DOCK1: variants seen among roughly 807,000 people sequenced by gnomAD.
DOCK1 encodes the protein dedicator of cytokinesis protein 1.
A neutral mutation model predicts 262.7 loss-of-function variants in DOCK1; 138 were observed. The ratio of observed to expected loss-of-function variants is 0.53; its 90% CI spans 0.46 to 0.61. The LOEUF is 0.61. DOCK1 is among the 20% of genes least tolerant of loss of function. DOCK1 has a pLI of 0.00. For synonymous variants in DOCK1, 866 were observed against 867.4 expected (o/e 1.00, Z 0.03); for missense variants, 1,908 against 2,370.7 (o/e 0.80, Z 4.05).
intron 12 of DOCK1, among the ~76,000 whole-genome samples, chr10:127,017,313 GCACA>G (rs1467380876): frequency 7.3e-6 from 1 of 136,578 alleles, no homozygotes; most frequent in Non-Finnish European, 1.6e-5. Flanking sequence ...ACACAGACAC[GCACA>G]CAGACATATA....
chr10:127,242,910 A>G (rs907099908), intron 27 of DOCK1, among the ~76,000 whole-genome samples: 1 of 152,120 alleles, frequency 6.6e-6, no homozygotes, highest in African/African-American at 2.4e-5. Context: ...CCTACCGTCC[A>G]CACTCGTCAC....
chr10:127,182,350 C>A (rs930685173), intron 27 of DOCK1, among the ~76,000 whole-genome samples: 2 of 152,144 alleles, frequency 1.3e-5, no homozygotes, highest in Admixed American at 6.5e-5. Context: ...ATAATGTAAA[C>A]CACAAAGGCT....
chr10:127,428,617 G>A (rs2068991103), intron 47 of DOCK1, among the ~76,000 whole-genome samples: 1 of 150,786 alleles, frequency 6.6e-6, no homozygotes, highest in Admixed American at 6.6e-5. Flanking sequence ...ATTGTGCCAT[G>A]TGGATTGGGG....
intron 44 of DOCK1, among the ~76,000 whole-genome samples, chr10:127,416,564 C>T (rs1487718114): frequency 6.6e-6 from 1 of 152,178 alleles, no homozygotes; most frequent in African/African-American, 2.4e-5. Flanking sequence ...ACTAAGAGGG[C>T]AGGAAGGCAA....
chr10:127,084,351 A>G (rs2047075391), intron 23 of DOCK1, among the ~76,000 whole-genome samples: 1 of 152,240 alleles, frequency 6.6e-6, no homozygotes, highest in Non-Finnish European at 1.5e-5. Flanking sequence ...CTCTCTCACC[A>G]GCAAGCGGTT....
chr10:126,939,919 G>A (rs946756529), intron 1 of DOCK1, among the ~76,000 whole-genome samples: 1 of 152,276 alleles, frequency 6.6e-6, no homozygotes, highest in South Asian at 2.1e-4. Flanking sequence ...TCCTTTGAAG[G>A]CCACGCCTAC....
intron 30 of DOCK1, among the ~76,000 whole-genome samples, chr10:127,342,301 A>G (rs114477124): frequency 0.012 from 1,774 of 152,180 alleles, 41 homozygotes; most frequent in African/African-American, 0.041. Context: ...AAAAGGAACG[A>G]CTTGTATTTT....
chr10:126,990,694 C>A, intron 6 of DOCK1, 91 bp downstream of exon 6: 1 of 1,429,670 alleles, frequency 7.0e-7, no homozygotes, highest in Non-Finnish European at 9.3e-7. Context: ...CATATTTTAT[C>A]ATAAAACAAA....
rs182624518 is a variant in DOCK1 at position 127,310,149 on chromosome 10, A to G, written c.3045-28857A>G. Among the ~76,000 whole-genome samples the G allele has an allele frequency of 4.5e-4, 68 of 152,272 alleles. 2 individuals carry two copies. The highest frequency in any genetic ancestry group is 2.7e-3 in the Admixed American group (41 of 15,292). Reference sequence around the variant, plus strand: ...CTTAGCCTCCCAAAGTGTTGGGATTATAAGCGTGAGCCACTGCGCCCGGCC... The same window carrying G: ...CTTAGCCTCCCAAAGTGTTGGGATTGTAAGCGTGAGCCACTGCGCCCGGCC... On this transcript the variant is annotated intron_variant, in intron 29 of 51. Transcript: ENST00000623213.
chr10:127,234,848 A>G (rs958899966), intron 27 of DOCK1, among the ~76,000 whole-genome samples: 2 of 151,122 alleles, frequency 1.3e-5, no homozygotes, highest in African/African-American at 4.8e-5. Context: ...TACAACATTA[A>G]TTACATATGG....
chr10:127,264,131 G>A (rs946491761), intron 29 of DOCK1, among the ~76,000 whole-genome samples: 5 of 152,170 alleles, frequency 3.3e-5, no homozygotes, highest in Non-Finnish European at 7.4e-5. Context: ...TACATAGCGT[G>A]TAACAAAACC....
chr10:127,400,965 TAG>T (rs1450969792), intron 38 of DOCK1, among the ~76,000 whole-genome samples: 10 of 152,298 alleles, frequency 6.6e-5, no homozygotes, highest in Middle Eastern at 3.4e-3. Context: ...TGCTAAGGTG[TAG>T]ACTGCTCACA....
intron 1 of DOCK1, among the ~76,000 whole-genome samples, chr10:126,939,145 C>G (rs2034802181): frequency 1.3e-5 from 2 of 152,030 alleles, no homozygotes; most frequent in African/African-American, 4.8e-5. Flanking sequence ...ACACTGTGCC[C>G]TCACATGGCA....
At chr10:127,276,422 G>A (rs190328305) in intron 29 of DOCK1, among the ~76,000 whole-genome samples, 28 of 152,270 alleles carry the variant, frequency 1.8e-4, no homozygotes, top group African/African-American at 6.3e-4. Flanking sequence ...GTCTTTGAGT[G>A]CAGTTCTGTG....
intron 38 of DOCK1, among the ~76,000 whole-genome samples, chr10:127,389,921 T>G (rs1590843083): frequency 2.0e-5 from 3 of 151,140 alleles, no homozygotes; most frequent in South Asian, 2.1e-4. Flanking sequence ...GGCTGAGGCA[T>G]GAGAATCGCT....
At chr10:126,965,374 A>G (rs1397171557) in intron 1 of DOCK1, among the ~76,000 whole-genome samples, 1 of 152,054 alleles carries the variant, frequency 6.6e-6, no homozygotes, top group Non-Finnish European at 1.5e-5. Context: ...AGATGGAAAG[A>G]TGGGTTGTGT....
chr10:127,286,064 G>A (rs187601755), intron 29 of DOCK1, among the ~76,000 whole-genome samples: 76 of 152,202 alleles, frequency 5.0e-4, no homozygotes, highest in African/African-American at 1.6e-3. Flanking sequence ...AGCCCGATGC[G>A]TCTACTGCAA....
intron 27 of DOCK1, among the ~76,000 whole-genome samples, chr10:127,173,048 C>CTT (rs1386856484): frequency 8.5e-5 from 13 of 152,178 alleles, no homozygotes; most frequent in African/African-American, 3.1e-4. Context: ...GTGTGGCAGC[C>CTT]TGTGTGCCGG....
chr10:126,938,234 G>T (rs1402271463), intron 1 of DOCK1, among the ~76,000 whole-genome samples: 2 of 152,076 alleles, frequency 1.3e-5, no homozygotes, highest in African/African-American at 4.8e-5. Context: ...TTTTAGTAGA[G>T]ACAGGGTTTC....
Sources: gnomAD v4.1 joint callset for allele counts (sites outside exome capture counted in the v4.1 genomes callset) on GRCh38, gnomAD v4.1.1 for gene constraint, MANE v1.5 for transcripts, NCBI Gene and HGNC (gene_info 2026-07-23, HGNC 2026-07-21) for gene names.